Variants in CHODL observed in about 807,000 individuals in gnomAD.
CHODL encodes the protein chondrolectin.
A neutral mutation model predicts 34.5 loss-of-function variants in CHODL; 29 were observed. The observed-to-expected ratio is 0.84, with a 90% CI of 0.63 to 1.15. The LOEUF (loss-of-function observed/expected upper bound fraction) is 1.15, where lower values mean the gene tolerates loss of function less well. Ranked by LOEUF, CHODL falls within the 50% of genes most tolerant of loss-of-function variation. The pLI is 0.00. For synonymous variants in CHODL, 125 were observed against 116.1 expected, an observed-to-expected ratio of 1.08 and a Z score of -0.49; for missense variants, 332 against 332.5, an observed-to-expected ratio of 1.00 and a Z score of 0.01.
At chr21:18,053,070 A>C (rs1049689157) in intron 2 of CHODL, among the ~76,000 whole-genome samples, 2 of 151,880 alleles carry the variant, frequency 1.3e-5, no homozygotes, top group Non-Finnish European at 2.9e-5. Flanking sequence ...TTTCAAGCCC[A>C]AGCTCTTTAT....
chr21:18,241,249 TA>T (rs34330433), upstream of CHODL, among the ~76,000 whole-genome samples: 1,315 of 145,100 alleles, frequency 9.1e-3, 47 homozygotes, highest in Admixed American at 0.072. Flanking sequence ...ATTACTCAGA[TA>T]AAAAAAAAAA....
chr21:18,017,443 G>A (rs1568846124), intron 1 of CHODL, among the ~76,000 whole-genome samples: 1 of 152,186 alleles, frequency 6.6e-6, no homozygotes, highest in Non-Finnish European at 1.5e-5. Context: ...TTGCCTTCCA[G>A]CCACTCTGGC....
At chr21:18,013,050 T>C (rs1314849806) in intron 1 of CHODL, among the ~76,000 whole-genome samples, 2 of 152,254 alleles carry the variant, frequency 1.3e-5, no homozygotes, top group Non-Finnish European at 2.9e-5. Flanking sequence ...AACATACCAG[T>C]AACTACGTGG....
intron 2 of CHODL, among the ~76,000 whole-genome samples, chr21:18,068,594 C>T (rs1298816097): frequency 2.0e-5 from 3 of 152,142 alleles, no homozygotes; most frequent in Non-Finnish European, 4.4e-5. Context: ...GCACCCTATT[C>T]TCACCTGGAA....
intron 2 of CHODL, among the ~76,000 whole-genome samples, chr21:18,060,449 C>CAAATAAAT (rs58886259): frequency 0.027 from 4,085 of 149,090 alleles, 189 homozygotes; most frequent in African/African-American, 0.098. Flanking sequence ...GACTCTGTCT[C>CAAATAAAT]AAATAAATAA....
At chr21:17,942,238 G>A (rs1331133242) in intron 1 of CHODL, among the ~76,000 whole-genome samples, 1 of 152,200 alleles carries the variant, frequency 6.6e-6, no homozygotes, top group Non-Finnish European at 1.5e-5. Flanking sequence ...TGGTTTGGCT[G>A]TGTCCCCACT....
In CHODL at chr21:18,232,941, T is replaced by TTTTATA. The variant is rs752640406; in HGVS notation, c.-44-23568_-44-23567insTTTATA. ...TAATTATGGGGTCCACATGATGTTA[T>TTTTATA]GATATATATATATATATATATATAT... On this transcript the variant is annotated intron_variant, in intron 2 of 6. Coordinates refer to the CHODL transcript ENST00000400127. 8.2e-5 allele frequency among the ~76,000 whole-genome samples: 8 copies of TTTTATA among 97,620 alleles called. 1 individual carries two copies. Among genetic ancestry groups the TTTTATA allele is most frequent in the South Asian group, 3.3e-4 (1 of 3,068 alleles). The allele number at this position is 97,620 out of a possible 152,430, so 64.0% of individuals were successfully genotyped here. A position where few individuals can be genotyped will look rare whatever the true frequency, so the allele number is the denominator to read the frequency against.
At chr21:18,029,408 A>T (rs1256347332) in intron 2 of CHODL, among the ~76,000 whole-genome samples, 1 of 152,154 alleles carries the variant, frequency 6.6e-6, no homozygotes, top group African/African-American at 2.4e-5. Context: ...TATATTTTAA[A>T]TTTTTTAGAA....
In CHODL at chr21:18,086,667, G is replaced by C. The variant is rs139175603; in HGVS notation, c.-45+58696G>C. On this transcript the variant is annotated intron_variant, in intron 2 of 6. Transcript: ENST00000400127. ...GGTTTAGGGTACAGTTATTAGATGA[G>C]GTTGTGGTGAAGTTTTTCTGGGAAC... Among the ~76,000 whole-genome samples the C allele has an allele frequency of 2.4e-4, 37 of 152,262 alleles. 1 individual carries two copies. The East Asian group carries it at 7.0e-3, about 29-fold the overall frequency.
chr21:17,938,400 A>ATATATCTG (rs2041880476), intron 1 of CHODL, among the ~76,000 whole-genome samples: 1 of 148,822 alleles, frequency 6.7e-6, no homozygotes, highest in Non-Finnish European at 1.5e-5. Flanking sequence ...ATAGATATAT[A>ATATATCTG]TATATCTGTA....
chr21:18,254,030 C>T (rs1364574385), intron 1 of CHODL, among the ~76,000 whole-genome samples: 1 of 152,076 alleles, frequency 6.6e-6, no homozygotes, highest in African/African-American at 2.4e-5. Flanking sequence ...GCCTTTCTCC[C>T]TCTGAGTGTC....
chr21:18,250,514 A>G (rs2074222816), intron 1 of CHODL, among the ~76,000 whole-genome samples: 1 of 152,080 alleles, frequency 6.6e-6, no homozygotes, highest in African/African-American at 2.4e-5. Flanking sequence ...ATAGTGCACT[A>G]TGCAATTAAG....
chr21:17,920,720 T>G (rs2824551), intron 1 of CHODL, among the ~76,000 whole-genome samples: 66,475 of 152,016 alleles, frequency 0.44, 14,739 homozygotes, highest in South Asian at 0.55. Flanking sequence ...GTATGAGGAT[T>G]AGCTGCAGTC....
chr21:17,996,145 A>G (rs563184449), intron 1 of CHODL, among the ~76,000 whole-genome samples: 1 of 152,056 alleles, frequency 6.6e-6, no homozygotes, highest in Non-Finnish European at 1.5e-5. Flanking sequence ...GTCTAACTCA[A>G]ATGCAGTCAG....
At chr21:18,043,724 G>T in intron 2 of CHODL, among the ~76,000 whole-genome samples, 1 of 151,916 alleles carries the variant, frequency 6.6e-6, no homozygotes, top group East Asian at 1.9e-4. Context: ...CCTTGTATTA[G>T]TCCATTTTCA....
Position 18,028,208 on chromosome 21 carries a change from TCCTCCCCTCC to T in CHODL, c.-45+256_-45+265del, listed in dbSNP as rs147443488. Among the ~76,000 whole-genome samples, 12 of 75,324 alleles carry T rather than the reference TCCTCCCCTCC, an allele frequency of 1.6e-4. 2 individuals carry two copies. Among genetic ancestry groups the T allele is most frequent in the Admixed American group, 1.0e-3 (7 of 6,944 alleles). The allele number at this position is 75,324 out of a possible 152,430, so 49.4% of individuals were successfully genotyped here. On this transcript the variant is annotated intron_variant, in intron 2 of 6. Transcript: ENST00000400127. ...GCACCTTATTATTTCCTTTAGCTCT[TCCTCCCCTCC>T]CCTCCCCTCCCCTCCCCTTCCCCTT...
rs114717633 is a variant in CHODL, at chr21:18,157,489, T to C, written c.-44-99020T>C. 5.0e-3 allele frequency among the ~76,000 whole-genome samples: 760 copies of C among 152,362 alleles called. 5 individuals are homozygous for C. Among genetic ancestry groups the C allele is most frequent in the African/African-American group, 0.017 (719 of 41,592 alleles). The stretch of plus-strand genomic sequence containing the variant: ...TAGTTCACTCGTAACATTATAGATA[T>C]ATTCCATTTGTACATATTCTCCATG... On this transcript the variant is annotated intron_variant, in intron 2 of 6. Transcript: ENST00000400127.
intron 2 of CHODL, among the ~76,000 whole-genome samples, chr21:18,100,502 G>A (rs986400549): frequency 1.3e-5 from 2 of 152,068 alleles, no homozygotes; most frequent in African/African-American, 4.8e-5. Context: ...TTCTTGTGTA[G>A]TAAGAATTCC....
intron 1 of CHODL, among the ~76,000 whole-genome samples, chr21:17,987,694 C>G (rs1167795368): frequency 6.6e-6 from 1 of 152,042 alleles, no homozygotes; most frequent in Non-Finnish European, 1.5e-5. Context: ...AAAGAGCTAC[C>G]CATGCAATAT....
Sources: gnomAD v4.1 joint callset for allele counts (sites outside exome capture counted in the v4.1 genomes callset) on GRCh38, gnomAD v4.1.1 for gene constraint, MANE v1.5 for transcripts, NCBI Gene and HGNC (gene_info 2026-07-23, HGNC 2026-07-21) for gene names.